PPM1E: variants seen among roughly 807,000 people sequenced by gnomAD.
The protein encoded by PPM1E is protein phosphatase 1E.
A neutral mutation model predicts 65.9 loss-of-function variants in PPM1E; 20 were observed. The ratio of observed to expected loss-of-function variants is 0.30; its 90% CI spans 0.21 to 0.44. The LOEUF (loss-of-function observed/expected upper bound fraction) is 0.44. Ranked by LOEUF, PPM1E falls within the 20% of genes least tolerant of loss-of-function variation. The pLI, the probability that PPM1E is intolerant of heterozygous loss-of-function variation, is 1.00. For synonymous variants in PPM1E, 352 were observed against 374.9 expected (o/e 0.94, Z 0.70); for missense variants, 713 against 953.1 (o/e 0.75, Z 3.32).
chr17:58,963,383 G>T (rs2030103326), intron 2 of PPM1E, among the ~76,000 whole-genome samples: 1 of 118,966 alleles, frequency 8.4e-6, no homozygotes, highest in Non-Finnish European at 1.7e-5. Flanking sequence ...GTGAAACTCT[G>T]TCTCAAAAAA....
At chr17:58,964,917 C>A (rs2143671186) in intron 2 of PPM1E, among the ~76,000 whole-genome samples, 1 of 152,046 alleles carries the variant, frequency 6.6e-6, no homozygotes, top group South Asian at 2.1e-4. Context: ...TGATGGCGGG[C>A]ACCTGTAATC....
intron 1 of PPM1E, among the ~76,000 whole-genome samples, chr17:58,922,160 G>A (rs748861361): frequency 4.6e-5 from 7 of 151,402 alleles, no homozygotes; most frequent in Non-Finnish European, 1.0e-4. Context: ...ATGAGGAGAG[G>A]GAGGGAGAAG....
At chr17:58,829,350 C>T (rs989794318) in intron 1 of PPM1E, among the ~76,000 whole-genome samples, 9 of 152,044 alleles carry the variant, frequency 5.9e-5, no homozygotes, top group Non-Finnish European at 8.8e-5. Flanking sequence ...CCCGTGTTTA[C>T]GTTTTCTTTA....
chr17:58,834,900 C>T (rs2050639169), intron 1 of PPM1E, among the ~76,000 whole-genome samples: 1 of 151,914 alleles, frequency 6.6e-6, no homozygotes, highest in Non-Finnish European at 1.5e-5. Context: ...TTAGAATCAG[C>T]TTGTTCATGT....
At chr17:58,936,079 A>G (rs955587403) in intron 1 of PPM1E, among the ~76,000 whole-genome samples, 1 of 151,896 alleles carries the variant, frequency 6.6e-6, no homozygotes, top group Non-Finnish European at 1.5e-5. Flanking sequence ...GGTAGATTAC[A>G]TTATTTAGTT....
At chr17:58,903,009 G>A (rs2051515758) in intron 1 of PPM1E, among the ~76,000 whole-genome samples, 1 of 152,104 alleles carries the variant, frequency 6.6e-6, no homozygotes, top group Non-Finnish European at 1.5e-5. Flanking sequence ...AAAAGAATAT[G>A]TCTTTCTTCC....
In PPM1E at chr17:58,842,014, G is replaced by A. The variant is rs184227657; in HGVS notation, c.464+85553G>A. On this transcript the variant is annotated intron_variant, in intron 1 of 6. Transcript: ENST00000308249. ...GAGCTGCTGTGCCTGGCCAATTTTT[G>A]TATTTTTAATAGAAACGGGGTTTCC... 7.2e-5 allele frequency among the ~76,000 whole-genome samples: 11 copies of A among 152,184 alleles called. 1 individual carries two copies. Among genetic ancestry groups the A allele is most frequent in the Admixed American group, 6.5e-4 (10 of 15,272 alleles).
intron 2 of PPM1E, among the ~76,000 whole-genome samples, chr17:58,959,915 A>G (rs1457739687): frequency 1.3e-5 from 2 of 152,212 alleles, no homozygotes; most frequent in Non-Finnish European, 2.9e-5. Context: ...ATTTGATAAA[A>G]TTTAATATCA....
intron 1 of PPM1E, among the ~76,000 whole-genome samples, chr17:58,878,655 A>C (rs2051154464): frequency 6.6e-6 from 1 of 151,138 alleles, no homozygotes; most frequent in South Asian, 2.1e-4. Context: ...TTTGCTGGCC[A>C]GGCGTGGTGG....
chr17:58,803,077 T>C (rs1460235445), intron 1 of PPM1E, among the ~76,000 whole-genome samples: 1 of 152,182 alleles, frequency 6.6e-6, no homozygotes, highest in East Asian at 1.9e-4. Context: ...TTTTGTTCTA[T>C]GTTGAATAGC....
At chr17:58,784,019 T>C (rs754134372) in intron 1 of PPM1E, among the ~76,000 whole-genome samples, 8 of 150,170 alleles carry the variant, frequency 5.3e-5, no homozygotes, top group Non-Finnish European at 1.2e-4. Flanking sequence ...CCTGTTTTTT[T>C]TGTTTTGTTT....
rs1293538971 is a variant in PPM1E, at chr17:58,983,625, A to G, written c.*2594A>G. ...ATTGTAAAAATATTAGACAGATATA[A>G]AAGTATCTATATAATATCTATAAAC... On this transcript the variant is annotated 3_prime_UTR_variant, in exon 7 of 7. Transcript: ENST00000308249. The G allele has an allele frequency of 1.3e-5, 2 of 152,610 alleles. No homozygotes were observed. Among genetic ancestry groups the G allele is most frequent in the Non-Finnish European group, 2.9e-5 (2 of 68,034 alleles). The allele number at this position is 152,610 out of a possible 1,614,324, so 9.5% of individuals were successfully genotyped here.
At chr17:58,774,166 C>CA (rs1342509853) in intron 1 of PPM1E, among the ~76,000 whole-genome samples, 5 of 150,938 alleles carry the variant, frequency 3.3e-5, no homozygotes, top group African/African-American at 1.2e-4. Context: ...CTGTCCCCCC[C>CA]CCCCAAAAAA....
intron 1 of PPM1E, among the ~76,000 whole-genome samples, chr17:58,889,336 C>T (rs955680339): frequency 3.3e-5 from 5 of 152,170 alleles, no homozygotes; most frequent in Non-Finnish European, 7.3e-5. Flanking sequence ...TGCGGTGGCT[C>T]ACACCTGTAA....
intron 1 of PPM1E, among the ~76,000 whole-genome samples, chr17:58,891,844 T>TC (rs1342488295): frequency 7.2e-6 from 1 of 139,804 alleles, no homozygotes; most frequent in Non-Finnish European, 1.6e-5. Flanking sequence ...TTTTTTTTTT[T>TC]TTTTTTTTTG....
At chr17:58,969,488 T>A (rs773753889) in intron 3 of PPM1E, 51 bp from the exon 4 acceptor site, 2 of 1,566,326 alleles carry the variant, frequency 1.3e-6, no homozygotes, top group African/African-American at 2.7e-5. Flanking sequence ...TTGGTTCATT[T>A]GAATCATGCT....
intron 1 of PPM1E, among the ~76,000 whole-genome samples, chr17:58,866,976 G>A (rs2051012473): frequency 6.6e-6 from 1 of 151,952 alleles, no homozygotes; most frequent in Non-Finnish European, 1.5e-5. Flanking sequence ...GCCAAATTGG[G>A]GGGATTTTAT....
intron 1 of PPM1E, among the ~76,000 whole-genome samples, chr17:58,783,744 G>C (rs1418876711): frequency 6.6e-6 from 1 of 152,046 alleles, no homozygotes; most frequent in Non-Finnish European, 1.5e-5. Flanking sequence ...GTCCCACTCT[G>C]TTACCCAGGC....
At chr17:58,845,376 A>G (rs2050761081) in intron 1 of PPM1E, among the ~76,000 whole-genome samples, 1 of 150,618 alleles carries the variant, frequency 6.6e-6, no homozygotes, top group Non-Finnish European at 1.5e-5. Context: ...ATTTTTAAGT[A>G]TACAATTTAT....
Sources: gnomAD v4.1 joint callset for allele counts (sites outside exome capture counted in the v4.1 genomes callset) on GRCh38, gnomAD v4.1.1 for gene constraint, MANE v1.5 for transcripts, NCBI Gene and HGNC (gene_info 2026-07-23, HGNC 2026-07-21) for gene names.